The following CCSER1 variants were observed in gnomAD, a reference collection of about 807,000 sequenced individuals.
CCSER1 encodes the protein coiled-coil serine rich protein 1, also known as serine-rich coiled-coil domain-containing protein 1.
A neutral mutation model predicts 82.0 loss-of-function variants in CCSER1; 41 were observed. That is an observed-to-expected ratio of 0.50 (90% CI 0.39 to 0.65). The LOEUF (loss-of-function observed/expected upper bound fraction) is 0.65. CCSER1 is among the 30% of genes least tolerant of loss of function. The pLI is 0.00. For missense variants in CCSER1, 1,119 were observed against 1,064.2 expected, an observed-to-expected ratio of 1.05 and a Z score of -0.72; for synonymous variants, 414 against 383.9, an observed-to-expected ratio of 1.08 and a Z score of -0.92.
chr4:90,765,254 G>A (rs1199793047), intron 7 of CCSER1, among the ~76,000 whole-genome samples: 2 of 152,034 alleles, frequency 1.3e-5, no homozygotes, highest in Admixed American at 6.6e-5. Context: ...CACAAAAATG[G>A]CTTCTTAAAT....
At chr4:90,727,819 A>G (rs1357315620) in intron 7 of CCSER1, among the ~76,000 whole-genome samples, 1 of 152,200 alleles carries the variant, frequency 6.6e-6, no homozygotes, top group Non-Finnish European at 1.5e-5. Context: ...ACTTCAATGA[A>G]GCATGATGGC....
chr4:90,536,119 G>C (rs1210770015), intron 5 of CCSER1, among the ~76,000 whole-genome samples: 1 of 132,554 alleles, frequency 7.5e-6, no homozygotes, highest in Non-Finnish European at 1.5e-5. Flanking sequence ...TGCAACCTTT[G>C]CCTCCTGGGT....
chr4:91,134,285 T>A (rs1728259649), intron 10 of CCSER1, among the ~76,000 whole-genome samples: 1 of 152,018 alleles, frequency 6.6e-6, no homozygotes, highest in South Asian at 2.1e-4. Flanking sequence ...TAGTCCTAGC[T>A]ACTTGGGAGG....
intron 8 of CCSER1, among the ~76,000 whole-genome samples, chr4:90,858,742 T>C (rs1007695444): frequency 1.8e-4 from 28 of 151,930 alleles, no homozygotes; most frequent in African/African-American, 6.8e-4. Flanking sequence ...TTTAGAAGTA[T>C]TTTATTATGG....
At chr4:90,317,639 A>T (rs114732440) in intron 3 of CCSER1, among the ~76,000 whole-genome samples, 6,449 of 152,206 alleles carry the variant, frequency 0.042, 192 homozygotes, top group African/African-American at 0.075. Flanking sequence ...AATAAATAAA[A>T]TAAAATAAAT....
intron 7 of CCSER1, among the ~76,000 whole-genome samples, chr4:90,798,798 C>T (rs766163817): frequency 2.0e-5 from 3 of 152,176 alleles, no homozygotes; most frequent in Non-Finnish European, 4.4e-5. Flanking sequence ...ACTCTGGGGG[C>T]TTGTATTAAG....
intron 10 of CCSER1, among the ~76,000 whole-genome samples, chr4:91,357,355 C>A (rs114006937): frequency 0.02 from 3,010 of 152,190 alleles, 94 homozygotes; most frequent in African/African-American, 0.067. Flanking sequence ...TTTATAGACT[C>A]TTTAATCTTT....
At chr4:91,246,589 A>G (rs938853881) in intron 10 of CCSER1, among the ~76,000 whole-genome samples, 1 of 152,210 alleles carries the variant, frequency 6.6e-6, no homozygotes. Context: ...CTGCACTCCT[A>G]TGTTTGTTGC....
chr4:90,615,043 T>C (rs899552332), intron 5 of CCSER1, among the ~76,000 whole-genome samples: 6 of 152,332 alleles, frequency 3.9e-5, no homozygotes, highest in South Asian at 2.1e-4. Flanking sequence ...TTAAGAATTA[T>C]GTCTGTGCTC....
intron 5 of CCSER1, among the ~76,000 whole-genome samples, chr4:90,563,558 T>C (rs1229567756): frequency 1.3e-5 from 2 of 152,226 alleles, no homozygotes; most frequent in East Asian, 3.8e-4. Context: ...TGTGCCTGAC[T>C]CATTTCATTT....
At chr4:91,284,728 A>G (rs1237731261) in intron 10 of CCSER1, among the ~76,000 whole-genome samples, 1 of 152,062 alleles carries the variant, frequency 6.6e-6, no homozygotes, top group Non-Finnish European at 1.5e-5. Context: ...TGTGACTCTA[A>G]TTGTCATGCC....
At chr4:91,050,760 C>G (rs972021045) in intron 9 of CCSER1, among the ~76,000 whole-genome samples, 10 of 152,172 alleles carry the variant, frequency 6.6e-5, no homozygotes, top group African/African-American at 2.4e-4. Context: ...CCAGATAACA[C>G]TGTATCTTGT....
chr4:90,131,722 A>G (rs1202570693), intron 1 of CCSER1, among the ~76,000 whole-genome samples: 1 of 152,196 alleles, frequency 6.6e-6, no homozygotes, highest in Non-Finnish European at 1.5e-5. Context: ...ATAAATATAG[A>G]GCTATGATAC....
At chr4:90,859,536 A>T (rs558701349) in intron 8 of CCSER1, among the ~76,000 whole-genome samples, 4 of 151,900 alleles carry the variant, frequency 2.6e-5, no homozygotes, top group Admixed American at 2.6e-4. Flanking sequence ...ATACTTGTTT[A>T]TAGGATGATA....
chr4:91,031,890 T>C (rs1357142081), intron 9 of CCSER1, among the ~76,000 whole-genome samples: 1 of 152,104 alleles, frequency 6.6e-6, no homozygotes, highest in Non-Finnish European at 1.5e-5. Flanking sequence ...TCACCACAAA[T>C]TCATTCATGT....
At chr4:91,062,315 A>G (rs1271740269) in intron 9 of CCSER1, among the ~76,000 whole-genome samples, 1 of 152,042 alleles carries the variant, frequency 6.6e-6, no homozygotes, top group East Asian at 1.9e-4. Flanking sequence ...GATTCCTTCT[A>G]TCCTGCAGCG....
At chr4:91,552,018 C>A (rs1762182835) in intron 10 of CCSER1, among the ~76,000 whole-genome samples, 1 of 151,512 alleles carries the variant, frequency 6.6e-6, no homozygotes, top group South Asian at 2.1e-4. Context: ...ATATTGAAAT[C>A]AAAATTAGTA....
intron 10 of CCSER1, among the ~76,000 whole-genome samples, chr4:91,400,631 T>C (rs1752257707): frequency 6.6e-6 from 1 of 150,870 alleles, no homozygotes; most frequent in African/African-American, 2.4e-5. Flanking sequence ...GGAACACTAT[T>C]TGTAGTGTTT....
intron 4 of CCSER1, among the ~76,000 whole-genome samples, chr4:90,420,990 T>C (rs751530594): frequency 6.6e-6 from 1 of 152,126 alleles, no homozygotes; most frequent in South Asian, 2.1e-4. Context: ...ACATCAGCTG[T>C]CACTATCAAA....
Sources: allele counts gnomAD v4.1 joint callset (sites outside exome capture counted in the v4.1 genomes callset), GRCh38; gene constraint gnomAD v4.1.1; transcripts MANE v1.5; gene names NCBI Gene and HGNC (gene_info 2026-07-23, HGNC 2026-07-21).